The following PCDHGC4 variants were observed in gnomAD, a reference collection of about 807,000 sequenced individuals.
PCDHGC4 encodes protocadherin gamma-C4.
PCDHGC4 carries 15 observed loss-of-function variants against 59.7 expected under a neutral mutation model. That is an observed-to-expected ratio of 0.25 (90% confidence interval 0.17 to 0.39). PCDHGC4 has a LOEUF of 0.39. Ranked by LOEUF, PCDHGC4 falls within the 10% of genes least tolerant of loss-of-function variation. The pLI, the probability that PCDHGC4 is intolerant of heterozygous loss-of-function variation, is 1.00. For missense variants in PCDHGC4, 1,016 were observed against 1,189.5 expected (o/e 0.85, Z 2.15); for synonymous variants, 434 against 481.4 (o/e 0.90, Z 1.29).
chr5:141,489,530 G>C lies in PCDHGC4; in HGVS notation c.2442+1915G>C, dbSNP rs751249228. 17 of 1,614,092 alleles carry C rather than the reference G, an allele frequency of 1.1e-5. 1 individual carries two copies. In the South Asian group the frequency reaches 1.9e-4, roughly 18 times the overall value. ...AAGATTGACCGAGAAAGCCTATGTG[G>C]AGCCAGCACCAGCTGCCTGCTGCCA... On this transcript the variant is annotated intron_variant, in intron 1 of 3. Coordinates refer to ENST00000306593, the MANE Select transcript of PCDHGC4 (RefSeq NM_018928.3). The surrounding 1 kb of genome is among the most constrained non-coding windows in gnomAD (Gnocchi z 4.5).
chr5:141,511,560 TC>T lies in PCDHGC4; in HGVS notation c.*390del. ...CCACCCCACTCCAACAGTTCCTCTT[TC>T]CCGAGTAAGGTGGTTGGGGTGTTGA... On this transcript the variant is annotated 3_prime_UTR_variant, in exon 4 of 4. Transcript: ENST00000306593. 3.3e-6 allele frequency: 1 copy of T among 298,990 alleles called. No individual in the cohort carries two copies. The highest frequency in any genetic ancestry group is 3.7e-5 in the South Asian group (1 of 27,250). The allele number at this position is 298,990 out of a possible 1,614,324, so 18.5% of individuals were successfully genotyped here. A position where few individuals can be genotyped will look rare whatever the true frequency, so the allele number is the denominator to read the frequency against.
rs1562144438 is a variant in PCDHGC4, at chr5:141,491,135, G to T, written c.2442+3520G>T. The T allele has an allele frequency of 6.2e-7, 1 of 1,613,986 alleles. No individual in the cohort carries two copies. Among genetic ancestry groups the T allele is most frequent in the Non-Finnish European group, 8.5e-7 (1 of 1,180,000 alleles). On this transcript the variant is annotated intron_variant, in intron 1 of 3. Transcript: ENST00000306593. This position sits in a 1 kb window ranked among gnomAD's most constrained non-coding sequence, Gnocchi z 6.9. ...CACACTGGTGAGGTGCGCACAGCCC[G>T]GGCCTTACTGGAGGATGACTCTGAC...
At chr5:141,497,013 A>G (rs2099773320) in intron 2 of PCDHGC4, among the ~76,000 whole-genome samples, 1 of 151,990 alleles carries the variant, frequency 6.6e-6, no homozygotes, top group Admixed American at 6.6e-5. Context: ...ACATGGTGAA[A>G]CCCCATCTCG....
chr5:141,496,980 G>T (rs186715298), intron 2 of PCDHGC4, among the ~76,000 whole-genome samples: 1 of 151,974 alleles, frequency 6.6e-6, no homozygotes, highest in Admixed American at 6.6e-5. Flanking sequence ...GAGGTCAGGG[G>T]TTTGAGACCA....
At chr5:141,501,423 A>G (rs1195105794) in intron 2 of PCDHGC4, among the ~76,000 whole-genome samples, 4 of 151,966 alleles carry the variant, frequency 2.6e-5, no homozygotes, top group African/African-American at 7.2e-5. Flanking sequence ...AGTTGACTAA[A>G]TGTAGTCCAT....
At chr5:141,495,065 T>C (rs1413025171) in intron 2 of PCDHGC4, among the ~76,000 whole-genome samples, 200 bp downstream of exon 2, 1 of 152,148 alleles carries the variant, frequency 6.6e-6, no homozygotes, top group Admixed American at 6.5e-5. Flanking sequence ...TTCAGGAAGC[T>C]CAATTCACAT....
rs780788394 is a variant in PCDHGC4 at position 141,491,675 on chromosome 5, C to T, written c.2443-3132C>T. ...GAGCCTGACGCCATCCGGTCCCGCT[C>T]TAATACGCTGCGGGAGCGGAGCCAG... On this transcript the variant is annotated intron_variant, in intron 1 of 3. Transcript: ENST00000306593. The surrounding 1 kb of genome is among the most constrained non-coding windows in gnomAD (Gnocchi z 6.9). 6 of 1,613,450 alleles carry T rather than the reference C, an allele frequency of 3.7e-6. No homozygotes were observed. The African/African-American group carries it at 8.0e-5, about 22-fold the overall frequency.
chr5:141,487,880 G>T lies in PCDHGC4; in HGVS notation c.2442+265G>T, dbSNP rs1008153773. ...ATTGGTGATCAAGAGCCAGGCTGTTGTGGAAGCATGATGATGGAATGTGGG... is the reference window on the plus strand; with the variant it reads ...ATTGGTGATCAAGAGCCAGGCTGTTTTGGAAGCATGATGATGGAATGTGGG... On this transcript the variant is annotated intron_variant, in intron 1 of 3. Transcript: ENST00000306593. The surrounding 1 kb of genome is among the most constrained non-coding windows in gnomAD (Gnocchi z 5.0). The T allele has an allele frequency of 3.8e-6, 3 of 784,896 alleles. No individual in the cohort carries two copies. Among genetic ancestry groups the T allele is most frequent in the Non-Finnish European group, 6.0e-6 (3 of 497,074 alleles). 48.6% of individuals were successfully genotyped at this position (784,896 alleles called of 1,614,324 possible).
At chr5:141,503,479 G>A (rs1203644194) in intron 2 of PCDHGC4, among the ~76,000 whole-genome samples, 5 of 151,616 alleles carry the variant, frequency 3.3e-5, no homozygotes, top group African/African-American at 9.7e-5. Context: ...TGCACTTGTC[G>A]TCCCAGCTGC....
In PCDHGC4 at chr5:141,486,600, C is replaced by G. The variant is rs748395954; in HGVS notation, c.1427C>G (p.Ser476Cys). Reference sequence around the variant, plus strand: ...AATCGCCCAGGGGACCTGCTTTGCTCCCTTGCAGCCTCTGACCCAGACTCT... The same window carrying G: ...AATCGCCCAGGGGACCTGCTTTGCTGCCTTGCAGCCTCTGACCCAGACTCT... The part of the protein sequence containing the change: ...ENNRPGDLLC[S>C]LAASDPDSGL... Residue 476 changes from serine (S) to cysteine (C), a missense_variant, in exon 1 of 4, where the codon TCC becomes TGC. By Grantham distance (112) the Ser-to-Cys change is moderately radical (BLOSUM62 -1). Transcript: ENST00000306593. This position sits in a 1 kb window ranked among gnomAD's most constrained non-coding sequence, Gnocchi z 5.0. 21 of 1,613,602 alleles carry G rather than the reference C, an allele frequency of 1.3e-5. No individual in the cohort carries two copies. Among genetic ancestry groups the G allele is most frequent in the South Asian group, 2.2e-5 (2 of 91,086 alleles).
At position 141,489,314 on chromosome 5, in the gene PCDHGC4, G is replaced by C. The variant is rs374235290; in HGVS notation, c.2442+1699G>C. The stretch of plus-strand genomic sequence containing the variant: ...TGCATGTTGTCCTTGTGCTGCTGGG[G>C]CTGGGTGTCTGGGCAGCTTCGTTAC... On this transcript the variant is annotated intron_variant, in intron 1 of 3. Coordinates refer to ENST00000306593, the MANE Select transcript of PCDHGC4 (RefSeq NM_018928.3). This position sits in a 1 kb window ranked among gnomAD's most constrained non-coding sequence, Gnocchi z 4.5. 2 of 1,596,790 alleles carry C rather than the reference G, an allele frequency of 1.3e-6. No homozygotes were observed. The highest frequency in any genetic ancestry group is 2.2e-5 in the East Asian group (1 of 44,724).
chr5:141,511,403 A>C lies in PCDHGC4; in HGVS notation c.*230A>C. On this transcript the variant is annotated 3_prime_UTR_variant, in exon 4 of 4. Coordinates refer to ENST00000306593, the MANE Select transcript of PCDHGC4 (RefSeq NM_018928.3). Reference sequence around the variant, plus strand: ...TCCGCTGGGAACCCCCATCCAATCAACTGCTGTACCCATGGGGGTAGTGGG... The same window carrying C: ...TCCGCTGGGAACCCCCATCCAATCACCTGCTGTACCCATGGGGGTAGTGGG... 8.5e-6 allele frequency: 8 copies of C among 939,018 alleles called. No individual in the cohort carries two copies. The highest frequency in any genetic ancestry group is 1.2e-5 in the Non-Finnish European group (8 of 650,834). The allele number at this position is 939,018 out of a possible 1,614,324, so 58.2% of individuals were successfully genotyped here. A position where few individuals can be genotyped will look rare whatever the true frequency, so the allele number is the denominator to read the frequency against.
intron 2 of PCDHGC4, among the ~76,000 whole-genome samples, chr5:141,500,793 A>G (rs1245472175): frequency 6.6e-6 from 1 of 152,210 alleles, no homozygotes; most frequent in Non-Finnish European, 1.5e-5. Context: ...ATTTTACAGA[A>G]TAAGTCCTCA....
intron 1 of PCDHGC4, 124 bp from the exon 2 acceptor site, chr5:141,494,683 C>G: frequency 6.4e-7 from 1 of 1,569,074 alleles, no homozygotes; most frequent in Non-Finnish European, 8.7e-7. Context: ...CCCCTGCCCC[C>G]TCTTAGTCCG....
rs756466649 is a variant in PCDHGC4, at chr5:141,495,663, G to A, written c.2501+798G>A. 1.1e-3 allele frequency among the ~76,000 whole-genome samples: 169 copies of A among 152,164 alleles called. 3 individuals are homozygous for A. The highest frequency in any genetic ancestry group is 1.9e-3 in the Admixed American group (29 of 15,272). ...TTGTCTACTTGCATTGATCTGTGCCGCCCACTGTGCCTGCCATGGCATAAG... is the reference window on the plus strand; with the variant it reads ...TTGTCTACTTGCATTGATCTGTGCCACCCACTGTGCCTGCCATGGCATAAG... On this transcript the variant is annotated intron_variant, in intron 2 of 3. Coordinates refer to ENST00000306593, the MANE Select transcript of PCDHGC4 (RefSeq NM_018928.3).
intron 1 of PCDHGC4, among the ~76,000 whole-genome samples, chr5:141,494,328 G>T (rs1595238527): frequency 6.6e-6 from 1 of 152,200 alleles, no homozygotes; most frequent in Non-Finnish European, 1.5e-5. Flanking sequence ...CACCAAAAGG[G>T]TTACCAAGAA....
chr5:141,510,978 G>A lies in PCDHGC4; in HGVS notation c.2622G>A (p.Gly874=), dbSNP rs2099883535. 1.2e-6 allele frequency: 2 copies of A among 1,614,160 alleles called. No homozygotes were observed. The change falls in exon 4 of 4, where the codon GGG becomes GGA. Residue 874 remains glycine, a synonymous_variant. Transcript: ENST00000306593. The part of the protein sequence containing the change: ...EAADGSSTLG[G]GAGTMGLSAR... Reference sequence around the variant, plus strand: ...CTGATGGGAGCTCCACCCTGGGAGGGGGTGCCGGCACCATGGGATTGAGCG... The same window carrying A: ...CTGATGGGAGCTCCACCCTGGGAGGAGGTGCCGGCACCATGGGATTGAGCG...
intron 1 of PCDHGC4, among the ~76,000 whole-genome samples, chr5:141,492,409 C>G (rs1367119266): frequency 6.6e-6 from 1 of 152,230 alleles, no homozygotes; most frequent in Non-Finnish European, 1.5e-5. Flanking sequence ...TCCCCTCTGC[C>G]GCTCCCTCCG....
At position 141,489,662 on chromosome 5, in the gene PCDHGC4, G is replaced by A. The variant is rs2233601; in HGVS notation, c.2442+2047G>A. On this transcript the variant is annotated intron_variant, in intron 1 of 3. Coordinates refer to ENST00000306593, the MANE Select transcript of PCDHGC4 (RefSeq NM_018928.3). This position sits in a 1 kb window ranked among gnomAD's most constrained non-coding sequence, Gnocchi z 4.5. ...TTTGCCACCCCTGAGCGAGAGATGC[G>A]CATCTCAGAATCAGCAGCATCTGGG... The A allele has an allele frequency of 4.0e-4, 649 of 1,614,144 alleles. 2 individuals are homozygous for A. The highest frequency in any genetic ancestry group is 1.5e-3 in the Middle Eastern group (9 of 6,062).
Sources: allele counts gnomAD v4.1 joint callset (sites outside exome capture counted in the v4.1 genomes callset), GRCh38; gene constraint gnomAD v4.1.1; non-coding constraint Gnocchi (gnomAD v3.1); transcripts MANE v1.5; gene names NCBI Gene and HGNC (gene_info 2026-07-23, HGNC 2026-07-21).